THSD7B: variants seen among roughly 807,000 people sequenced by gnomAD.
The protein encoded by THSD7B is thrombospondin type-1 domain-containing protein 7B.
Under a neutral mutation model 213.6 loss-of-function variants are expected in THSD7B, and 138 were observed. The ratio of observed to expected loss-of-function variants is 0.65; its 90% CI spans 0.56 to 0.74. THSD7B has a LOEUF of 0.74. Among genes scored for constraint, THSD7B ranks in the 30% least tolerant of loss-of-function variants. The pLI is 0.00. For missense variants in THSD7B, 1,931 were observed against 1,991.5 expected (o/e 0.97, Z 0.58); for synonymous variants, 742 against 687.0 (o/e 1.08, Z -1.25).
chr2:137,285,655 T>C (rs1442423314), intron 12 of THSD7B, among the ~76,000 whole-genome samples: 1 of 151,976 alleles, frequency 6.6e-6, no homozygotes, highest in Non-Finnish European at 1.5e-5. Context: ...AAAGTCTTAA[T>C]TATACAGCAA....
chr2:136,802,042 G>T (rs1682191477), intron 1 of THSD7B, among the ~76,000 whole-genome samples: 1 of 152,050 alleles, frequency 6.6e-6, no homozygotes, highest in Admixed American at 6.6e-5. Flanking sequence ...GTTAATAATT[G>T]TTTAATAAGC....
chr2:137,247,970 T>C (rs1331127644), intron 10 of THSD7B, among the ~76,000 whole-genome samples: 3 of 152,146 alleles, frequency 2.0e-5, no homozygotes, highest in African/African-American at 7.2e-5. Context: ...CAGTGCCAGG[T>C]ATATAGAAAT....
chr2:136,926,356 A>G (rs918685812), intron 2 of THSD7B, among the ~76,000 whole-genome samples: 1 of 151,754 alleles, frequency 6.6e-6, no homozygotes, highest in Non-Finnish European at 1.5e-5. Context: ...AAGTTTACCT[A>G]TGTAACAAAC....
intron 1 of THSD7B, among the ~76,000 whole-genome samples, chr2:136,823,534 C>CT (rs995630387): frequency 4.0e-5 from 6 of 151,544 alleles, no homozygotes; most frequent in East Asian, 1.9e-4. Context: ...TACCCTTTAA[C>CT]TTTTTTTTTC....
At position 136,903,974 on chromosome 2, in the gene THSD7B, T is replaced by TGTGTG. The variant is rs1573701122; in HGVS notation, c.139+21657_139+21658insGTGTG. ...TGTGTGTGTGTGTGTGTGTGTGTGT[T>TGTGTG]TGTTTGTTTCTGAGCTGGGCCGGCA... On this transcript the variant is annotated intron_variant, in intron 2 of 27. Transcript: ENST00000409968. Among the ~76,000 whole-genome samples, 85 of 28,526 alleles carry TGTGTG rather than the reference T, an allele frequency of 3.0e-3. 4 individuals carry two copies. Among genetic ancestry groups the TGTGTG allele is most frequent in the South Asian group, 7.8e-3 (7 of 898 alleles). The allele number at this position is 28,526 out of a possible 152,430, so 18.7% of individuals were successfully genotyped here.
chr2:137,107,511 T>C (rs1052196374), intron 4 of THSD7B, among the ~76,000 whole-genome samples: 4 of 152,208 alleles, frequency 2.6e-5, no homozygotes, highest in Non-Finnish European at 5.9e-5. Flanking sequence ...GTTCTGCACA[T>C]GTATCCCAGA....
chr2:137,330,265 C>T (rs1401168856), intron 12 of THSD7B, among the ~76,000 whole-genome samples: 1 of 152,154 alleles, frequency 6.6e-6, no homozygotes, highest in Non-Finnish European at 1.5e-5. Flanking sequence ...ACGGAGTCCC[C>T]ACTGGGGCAC....
intron 3 of THSD7B, among the ~76,000 whole-genome samples, chr2:137,073,451 T>C (rs543616894): frequency 5.3e-5 from 8 of 152,302 alleles, no homozygotes; most frequent in Admixed American, 4.6e-4. Context: ...AGTGGTGATA[T>C]CCATTGCATC....
At chr2:137,252,424 C>T (rs1238018109) in intron 10 of THSD7B, among the ~76,000 whole-genome samples, 16 of 151,930 alleles carry the variant, frequency 1.1e-4, no homozygotes, top group African/African-American at 3.1e-4. Context: ...GGAAGTAATG[C>T]TGGAAGTGCT....
rs926707847 is a variant in THSD7B, at chr2:137,216,326, T to C, written c.1724-14718T>C. On this transcript the variant is annotated intron_variant, in intron 7 of 27. Transcript: ENST00000409968. ...CTGAATAGTGAAGAAAATTGAAGAA[T>C]ATTTTCTAGGTTAGAGAAACAATAT... Among the ~76,000 whole-genome samples the C allele has an allele frequency of 6.6e-5, 8 of 121,058 alleles. No individual in the cohort carries two copies. In the Admixed American group the frequency reaches 8.3e-4, roughly 13 times the overall value. The allele number at this position is 121,058 out of a possible 152,430, so 79.4% of individuals were successfully genotyped here.
chr2:136,779,074 C>T (rs1296910743), intron 1 of THSD7B, among the ~76,000 whole-genome samples: 2 of 151,998 alleles, frequency 1.3e-5, no homozygotes, highest in Non-Finnish European at 2.9e-5. Context: ...TAATATATTA[C>T]AGTTTATATT....
chr2:137,098,782 C>T (rs1688088341), intron 4 of THSD7B, among the ~76,000 whole-genome samples: 1 of 152,110 alleles, frequency 6.6e-6, no homozygotes, highest in South Asian at 2.1e-4. Flanking sequence ...CTATGAGTGA[C>T]TGTCCCTAAG....
chr2:137,119,835 A>G (rs941411874), intron 5 of THSD7B, among the ~76,000 whole-genome samples: 4 of 152,212 alleles, frequency 2.6e-5, no homozygotes, highest in African/African-American at 4.8e-5. Flanking sequence ...CTGACTATCC[A>G]GGAAGTTTTT....
rs111604030 is a variant in THSD7B at position 137,606,278 on chromosome 2, A to G, written c.3424-9897A>G. ...TGTATGAGGAGAGCCCAGAACAACA[A>G]TGTGACTAGAAAGAATGGACCTAGA... On this transcript the variant is annotated intron_variant, in intron 17 of 27. Transcript: ENST00000409968. 6.4e-3 allele frequency among the ~76,000 whole-genome samples: 972 copies of G among 152,282 alleles called. 14 individuals carry two copies. The highest frequency in any genetic ancestry group is 0.022 in the African/African-American group (932 of 41,548).
At chr2:136,973,198 T>C (rs1340922220) in intron 2 of THSD7B, among the ~76,000 whole-genome samples, 1 of 152,186 alleles carries the variant, frequency 6.6e-6, no homozygotes, top group Non-Finnish European at 1.5e-5. Flanking sequence ...ATAATCAGTC[T>C]TCTCTTTCCT....
intron 17 of THSD7B, among the ~76,000 whole-genome samples, chr2:137,584,940 A>C (rs2104806119): frequency 1.3e-5 from 2 of 152,312 alleles, no homozygotes; most frequent in African/African-American, 4.8e-5. Flanking sequence ...CCTCTGGTAG[A>C]ATTCGGCTGT....
intron 17 of THSD7B, among the ~76,000 whole-genome samples, chr2:137,596,110 G>C: frequency 6.6e-6 from 1 of 151,964 alleles, no homozygotes; most frequent in East Asian, 1.9e-4. Context: ...GGTTAAGAAG[G>C]ACAGCTGGTA....
At chr2:137,381,394 C>A (rs1685772600) in intron 12 of THSD7B, among the ~76,000 whole-genome samples, 1 of 152,204 alleles carries the variant, frequency 6.6e-6, no homozygotes, top group Admixed American at 6.5e-5. Context: ...TGAGGACCCT[C>A]CAGACGCAGG....
At chr2:137,194,754 T>G (rs563150924) in intron 7 of THSD7B, among the ~76,000 whole-genome samples, 26 of 152,296 alleles carry the variant, frequency 1.7e-4, no homozygotes, top group African/African-American at 6.0e-4. Context: ...CACTACTGAT[T>G]TCTTATGTTA....
Sources: gnomAD v4.1 joint callset for allele counts (sites outside exome capture counted in the v4.1 genomes callset) on GRCh38, gnomAD v4.1.1 for gene constraint, MANE v1.5 for transcripts, NCBI Gene and HGNC (gene_info 2026-07-23, HGNC 2026-07-21) for gene names.